Variants in NTSR1 observed in about 807,000 individuals in gnomAD.
NTSR1 encodes neurotensin receptor 1, also known as neurotensin receptor type 1.
Under a neutral mutation model 31.2 loss-of-function variants are expected in NTSR1, and 29 were observed. The observed-to-expected ratio is 0.93, with a 90% CI of 0.69 to 1.27. The LOEUF is 1.27. Among genes scored for constraint, NTSR1 ranks in the 50% most tolerant of loss-of-function variants. NTSR1 has a pLI of 0.00. For synonymous variants in NTSR1, 282 were observed against 269.9 expected, an observed-to-expected ratio of 1.04 and a Z score of -0.44; for missense variants, 697 against 595.4, an observed-to-expected ratio of 1.17 and a Z score of -1.78.
intron 1 of NTSR1, among the ~76,000 whole-genome samples, chr20:62,738,777 T>C (rs903099097): frequency 6.6e-6 from 1 of 152,214 alleles, no homozygotes; most frequent in African/African-American, 2.4e-5. Flanking sequence ...GCCTTGCTGC[T>C]CTTGGCAGCA....
Position 62,760,360 on chromosome 20 carries a change from G to C in NTSR1, c.*93G>C. 2 of 1,451,946 alleles carry C rather than the reference G, an allele frequency of 1.4e-6. No homozygotes were observed. Among genetic ancestry groups the C allele is most frequent in the Non-Finnish European group, 1.8e-6 (2 of 1,085,952 alleles). The allele number at this position is 1,451,946 out of a possible 1,614,324, so 89.9% of individuals were successfully genotyped here. A position where few individuals can be genotyped will look rare whatever the true frequency, so the allele number is the denominator to read the frequency against. On this transcript the variant is annotated 3_prime_UTR_variant, in exon 4 of 4. Transcript: ENST00000370501. ...GCCCCCACCCGGGAGCCTTGATGGG[G>C]GTCAGGCAGAGGCCAGCCTGCACTG... is the stretch of plus-strand genomic sequence containing the variant.
chr20:62,759,899 G>C lies in NTSR1; in HGVS notation c.1008-119G>C. Reference sequence around the variant, plus strand: ...TGTCCCCAAACAACCATTCTCAAGGGGTGTTTTAATTAGCGTCTGAGCCAC... The same window carrying C: ...TGTCCCCAAACAACCATTCTCAAGGCGTGTTTTAATTAGCGTCTGAGCCAC... On this transcript the variant is annotated intron_variant, in intron 3 of 3. Coordinates refer to ENST00000370501, the MANE Select transcript of NTSR1 (RefSeq NM_002531.3). 3 of 910,946 alleles carry C rather than the reference G, an allele frequency of 3.3e-6. No homozygotes were observed. The East Asian group carries it at 7.2e-5, about 22-fold the overall frequency. 56.4% of individuals were successfully genotyped at this position (910,946 alleles called of 1,614,324 possible).
At chr20:62,740,164 T>G (rs867333010) in intron 1 of NTSR1, among the ~76,000 whole-genome samples, 12 of 152,264 alleles carry the variant, frequency 7.9e-5, no homozygotes, top group African/African-American at 2.7e-4. Context: ...CAAAGCGCTC[T>G]GTGCTAAGTG....
intron 3 of NTSR1, among the ~76,000 whole-genome samples, chr20:62,759,715 C>T (rs528382034): frequency 4.1e-5 from 6 of 146,866 alleles, no homozygotes; most frequent in South Asian, 2.2e-4. Context: ...GTGGAGCTTG[C>T]AGTGAGCCGA....
At position 62,733,800 on chromosome 20, in the gene NTSR1, G is replaced by C. The variant is rs952563671; in HGVS notation, c.715-20885G>C. Among the ~76,000 whole-genome samples, 1 of 151,870 alleles carries C rather than the reference G, an allele frequency of 6.6e-6. No homozygotes were observed. Among genetic ancestry groups the C allele is most frequent in the Non-Finnish European group, 1.5e-5 (1 of 67,940 alleles). On this transcript the variant is annotated intron_variant, in intron 1 of 3. Coordinates refer to ENST00000370501, the MANE Select transcript of NTSR1 (RefSeq NM_002531.3). The surrounding 1 kb of genome is among the most constrained non-coding windows in gnomAD (Gnocchi z 5.2). ...AGAGGGGAGGAGGGGGAGGGAGACA[G>C]CACCCTCTTCTCCCTACCCTTGCCT...
intron 1 of NTSR1, among the ~76,000 whole-genome samples, chr20:62,747,753 C>G (rs556614393): frequency 1.4e-5 from 2 of 144,056 alleles, no homozygotes; most frequent in African/African-American, 5.6e-5. Flanking sequence ...AAAGACTCCA[C>G]AAAAACAAAA....
chr20:62,760,098 T>G lies in NTSR1; in HGVS notation c.1088T>G (p.Leu363Arg), dbSNP rs777066854. 1 of 1,614,056 alleles carries G rather than the reference T, an allele frequency of 6.2e-7. No homozygotes were observed. The highest frequency in any genetic ancestry group is 2.2e-5 in the East Asian group (1 of 44,888). The change falls in exon 4 of 4, where the codon CTG becomes CGG. Residue 363 changes from leucine (L) to arginine (R), a missense_variant. Coordinates refer to ENST00000370501, the MANE Select transcript of NTSR1 (RefSeq NM_002531.3). ...FYVSSTINPI[L>R]YNLVSANFRH... is the part of the protein sequence containing the mutation. ...GTCAGCTCCACCATCAACCCCATCC[T>G]GTACAACCTCGTCTCTGCCAACTTC...
chr20:62,721,623 C>A (rs530723906), intron 1 of NTSR1, among the ~76,000 whole-genome samples: 6 of 152,168 alleles, frequency 3.9e-5, no homozygotes, highest in Non-Finnish European at 7.3e-5. Context: ...TATATCACAG[C>A]GGTTTTCAAG....
At chr20:62,752,564 A>G (rs1989412326) in intron 1 of NTSR1, among the ~76,000 whole-genome samples, 2 of 152,224 alleles carry the variant, frequency 1.3e-5, no homozygotes, top group Non-Finnish European at 2.9e-5. Flanking sequence ...AGGATCCTCC[A>G]ACGGGGGCAG....
In NTSR1 at chr20:62,743,205, C is replaced by T. The variant is rs1199231201; in HGVS notation, c.715-11480C>T. 6.7e-6 allele frequency among the ~76,000 whole-genome samples: 1 copy of T among 149,426 alleles called. No individual in the cohort carries two copies. The highest frequency in any genetic ancestry group is 1.5e-5 in the Non-Finnish European group (1 of 67,996). On this transcript the variant is annotated intron_variant, in intron 1 of 3. Coordinates refer to ENST00000370501, the MANE Select transcript of NTSR1 (RefSeq NM_002531.3). The surrounding 1 kb of genome is among the most constrained non-coding windows in gnomAD (Gnocchi z 7.5). ...GCCCCCGGTCCAGTCAGCTGAGTGC[C>T]CCGTGGTGTGGGTGCGTCATGCCAT...
chr20:62,717,581 T>C (rs146742679), intron 1 of NTSR1, among the ~76,000 whole-genome samples: 1 of 152,310 alleles, frequency 6.6e-6, no homozygotes, highest in East Asian at 1.9e-4. Context: ...CGCTGGAGAC[T>C]GTGCCTGGGG....
intron 1 of NTSR1, among the ~76,000 whole-genome samples, chr20:62,739,733 C>A (rs1224622593): frequency 2.0e-5 from 3 of 152,380 alleles, no homozygotes; most frequent in East Asian, 3.9e-4. Context: ...GGCGTGGCCA[C>A]TAGGCGCTGG....
At chr20:62,749,627 G>A (rs1989359367) in intron 1 of NTSR1, among the ~76,000 whole-genome samples, 1 of 152,152 alleles carries the variant, frequency 6.6e-6, no homozygotes, top group African/African-American at 2.4e-5. Context: ...TTTAAAAATG[G>A]AAAAGGGGCC....
chr20:62,749,209 A>G (rs1989351681), intron 1 of NTSR1, among the ~76,000 whole-genome samples: 1 of 152,202 alleles, frequency 6.6e-6, no homozygotes, highest in South Asian at 2.1e-4. Context: ...TGGGAGGCCG[A>G]GGTGGGCGGA....
intron 1 of NTSR1, among the ~76,000 whole-genome samples, chr20:62,739,937 G>A (rs560994858): frequency 1.3e-5 from 2 of 152,372 alleles, no homozygotes; most frequent in South Asian, 2.1e-4. Flanking sequence ...GACATGGAAA[G>A]TTAAGTCGTG....
At chr20:62,748,412 A>G (rs1432960364) in intron 1 of NTSR1, among the ~76,000 whole-genome samples, 4 of 150,468 alleles carry the variant, frequency 2.7e-5, no homozygotes, top group African/African-American at 5.0e-5. Context: ...CATTTTACAC[A>G]GAAATAGAAA....
chr20:62,713,891 G>A (rs551968157), intron 1 of NTSR1, among the ~76,000 whole-genome samples: 9 of 152,348 alleles, frequency 5.9e-5, no homozygotes, highest in African/African-American at 1.9e-4. Context: ...CCTGAGGTCA[G>A]GAGTTCAAGC....
rs7346596 is a variant in NTSR1 at position 62,733,156 on chromosome 20, T to C, written c.715-21529T>C. The stretch of plus-strand genomic sequence containing the variant: ...TGAGTGAAGTAAATGTCATCGGCAG[T>C]GTGTAGACGTTCTTTCGGAAGAAGA... On this transcript the variant is annotated intron_variant, in intron 1 of 3. Coordinates refer to ENST00000370501, the MANE Select transcript of NTSR1 (RefSeq NM_002531.3). This position sits in a 1 kb window ranked among gnomAD's most constrained non-coding sequence, Gnocchi z 5.2. 0.12 allele frequency: 15,554 copies of C among 134,304 alleles called. 1,926 individuals carry two copies. The highest frequency in any genetic ancestry group is 0.33 in the East Asian group (1,594 of 4,782). 8.3% of individuals were successfully genotyped at this position (134,304 alleles called of 1,614,324 possible).
intron 1 of NTSR1, among the ~76,000 whole-genome samples, chr20:62,736,857 G>A (rs370862066): frequency 1.3e-5 from 2 of 152,240 alleles, no homozygotes; most frequent in Admixed American, 6.5e-5. Context: ...TGACTGGATC[G>A]TGGGGGCGGT....
Sources: allele counts gnomAD v4.1 joint callset (sites outside exome capture counted in the v4.1 genomes callset), GRCh38; gene constraint gnomAD v4.1.1; non-coding constraint Gnocchi (gnomAD v3.1); transcripts MANE v1.5; gene names NCBI Gene and HGNC (gene_info 2026-07-23, HGNC 2026-07-21).